Variants in SLC20A2 observed in about 807,000 individuals in gnomAD.
SLC20A2 encodes the protein sodium-dependent phosphate transporter 2.
SLC20A2 carries 30 observed loss-of-function variants against 61.0 expected under a neutral mutation model. The ratio of observed to expected loss-of-function variants is 0.49; its 90% confidence interval spans 0.37 to 0.67. The LOEUF is 0.67. Ranked by LOEUF, SLC20A2 falls within the 30% of genes least tolerant of loss-of-function variation. The pLI, the probability that SLC20A2 is intolerant of heterozygous loss-of-function variation, is 0.00. For missense variants in SLC20A2, 626 were observed against 866.4 expected (o/e 0.72, Z 3.48); for synonymous variants, 351 against 353.3 (o/e 0.99, Z 0.07).
chr8:42,455,030 A>G (rs2131125138), intron 5 of SLC20A2, among the ~76,000 whole-genome samples: 1 of 151,004 alleles, frequency 6.6e-6, no homozygotes, highest in East Asian at 2.0e-4. Flanking sequence ...GTTTGAGACT[A>G]GCTTGGCTAA....
intron 1 of SLC20A2, among the ~76,000 whole-genome samples, chr8:42,495,607 T>G (rs1445846632): frequency 6.6e-6 from 1 of 152,224 alleles, no homozygotes; most frequent in African/African-American, 2.4e-5. Flanking sequence ...GACTGAATAG[T>G]AACATCAATA....
At chr8:42,520,358 C>T (rs1811572147) in intron 1 of SLC20A2, among the ~76,000 whole-genome samples, 1 of 151,686 alleles carries the variant, frequency 6.6e-6, no homozygotes, top group Admixed American at 6.6e-5. Flanking sequence ...TCTTCATGTC[C>T]ACCCAGGAAC....
intron 1 of SLC20A2, among the ~76,000 whole-genome samples, chr8:42,496,710 C>A (rs963706479): frequency 2.6e-5 from 4 of 152,340 alleles, no homozygotes; most frequent in Middle Eastern, 3.4e-3. Context: ...AGCTGACACA[C>A]AGATAATACA....
chr8:42,465,789 G>A lies in SLC20A2; in HGVS notation c.418C>T (p.Leu140Phe), dbSNP rs764228818. Residue 140 changes from leucine (L) to phenylalanine (F), a missense_variant, in exon 3 of 11, where the codon CTT becomes TTT. Leu to Phe is a conservative substitution (Grantham distance 22). This residue lies in a region of SLC20A2 where 127 missense variants were observed against 215.4 expected (regional missense o/e 0.59). Transcript: ENST00000520262. ...IGTKGVQWMELVKIVASWFIS... is the reference protein window; with the variant it reads ...IGTKGVQWMEFVKIVASWFIS... ...AAATGCCAATTACCAATCTTGACAAGCTCCATCCACTGCACACCTTTGGTA... is the reference window on the plus strand; with the variant it reads ...AAATGCCAATTACCAATCTTGACAAACTCCATCCACTGCACACCTTTGGTA... The A allele has an allele frequency of 1.2e-6, 2 of 1,603,228 alleles. No individual in the cohort carries two copies. The highest frequency in any genetic ancestry group is 1.7e-6 in the Non-Finnish European group (2 of 1,175,990).
intron 5 of SLC20A2, among the ~76,000 whole-genome samples, chr8:42,447,489 A>G (rs577932612): frequency 1.3e-5 from 2 of 152,230 alleles, no homozygotes; most frequent in South Asian, 2.1e-4. Flanking sequence ...CATCCTGGCT[A>G]ACACGGTGAA....
chr8:42,418,668 G>C (rs1421568656), intron 10 of SLC20A2, among the ~76,000 whole-genome samples: 1 of 151,922 alleles, frequency 6.6e-6, no homozygotes, highest in Non-Finnish European at 1.5e-5. Context: ...GATTACAGGC[G>C]TGAGCCACTG....
chr8:42,523,230 T>C (rs1811702678), intron 1 of SLC20A2, among the ~76,000 whole-genome samples: 2 of 152,072 alleles, frequency 1.3e-5, no homozygotes, highest in African/African-American at 4.8e-5. Context: ...CTACGGAGGT[T>C]GAGGCAGGAG....
intron 5 of SLC20A2, among the ~76,000 whole-genome samples, chr8:42,454,603 T>A (rs992881047): frequency 4.7e-5 from 7 of 150,252 alleles, no homozygotes; most frequent in Non-Finnish European, 5.9e-5. Flanking sequence ...AATAATGAAC[T>A]TCAAGATCCT....
intron 1 of SLC20A2, among the ~76,000 whole-genome samples, chr8:42,476,381 G>A (rs1808107504): frequency 1.3e-5 from 2 of 152,076 alleles, no homozygotes; most frequent in Non-Finnish European, 2.9e-5. Flanking sequence ...GGGATTACAG[G>A]CTTGAGCCAC....
intron 1 of SLC20A2, chr8:42,541,330 G>C (rs1360166762): frequency 6.8e-6 from 1 of 146,566 alleles, no homozygotes; most frequent in East Asian, 2.1e-4. Context: ...CGCCGGCGCC[G>C]ACCAGCCCTG....
At chr8:42,460,100 C>T (rs1191036104) in intron 4 of SLC20A2, 108 bp from the exon 5 acceptor site, 6 of 647,088 alleles carry the variant, frequency 9.3e-6, no homozygotes, top group African/African-American at 1.8e-5. Context: ...CTTCCCAAAC[C>T]CCAGTGTGGC....
intron 2 of SLC20A2, chr8:42,471,053 C>T (rs907796281): frequency 2.6e-4 from 105 of 400,834 alleles, no homozygotes; most frequent in South Asian, 3.7e-4. Flanking sequence ...ATTCTTAGTA[C>T]ACCAGCATCT....
intron 8 of SLC20A2, among the ~76,000 whole-genome samples, chr8:42,435,886 G>T (rs765625593): frequency 2.6e-5 from 4 of 152,142 alleles, no homozygotes; most frequent in Non-Finnish European, 4.4e-5. Flanking sequence ...GGAGGCTGAG[G>T]TGGGCGGATC....
At chr8:42,462,920 C>T in intron 4 of SLC20A2, 85 bp downstream of exon 4, 3 of 718,176 alleles carry the variant, frequency 4.2e-6, no homozygotes, top group Non-Finnish European at 4.7e-6. Flanking sequence ...ACAATTATTC[C>T]TCTAACCCCT....
intron 8 of SLC20A2, among the ~76,000 whole-genome samples, chr8:42,436,784 G>T (rs889303895): frequency 1.3e-4 from 20 of 152,222 alleles, no homozygotes; most frequent in Admixed American, 4.6e-4. Context: ...CCTGCCCTGT[G>T]TCTATCTACC....
At chr8:42,516,652 G>A (rs184060296) in intron 1 of SLC20A2, among the ~76,000 whole-genome samples, 79 of 152,306 alleles carry the variant, frequency 5.2e-4, no homozygotes, top group African/African-American at 1.9e-3. Flanking sequence ...TGATCTATAA[G>A]GGCTGCTACC....
chr8:42,475,132 C>T (rs949582748), intron 1 of SLC20A2, among the ~76,000 whole-genome samples: 2 of 149,916 alleles, frequency 1.3e-5, no homozygotes, highest in Admixed American at 1.3e-4. Flanking sequence ...CTTTTTTTTG[C>T]TCTGTCACCC....
intron 1 of SLC20A2, among the ~76,000 whole-genome samples, chr8:42,498,884 C>A (rs1810133556): frequency 1.3e-5 from 2 of 152,220 alleles, no homozygotes; most frequent in African/African-American, 4.8e-5. Context: ...CCATTAAAAC[C>A]TCATGTGAGG....
intron 1 of SLC20A2, among the ~76,000 whole-genome samples, chr8:42,490,882 T>TC (rs763630683): frequency 3.3e-5 from 5 of 151,500 alleles, no homozygotes; most frequent in Non-Finnish European, 5.9e-5. Context: ...TCTAAGGCAA[T>TC]CACTCTTTTA....
Sources: allele counts gnomAD v4.1 joint callset (sites outside exome capture counted in the v4.1 genomes callset), GRCh38; gene constraint gnomAD v4.1.1; regional missense constraint gnomAD v4.1.1; transcripts MANE v1.5; gene names NCBI Gene and HGNC (gene_info 2026-07-23, HGNC 2026-07-21).